Variants in EFNA5 observed in about 807,000 individuals in gnomAD.
EFNA5 encodes the protein ephrin-A5.
Under a neutral mutation model 22.9 loss-of-function variants are expected in EFNA5, and 5 were observed. That is an observed-to-expected ratio of 0.22 (90% CI 0.11 to 0.46). EFNA5 has a LOEUF of 0.46. Ranked by LOEUF, EFNA5 falls within the 20% of genes least tolerant of loss-of-function variation. The probability of loss-of-function intolerance (pLI) is 0.99; values close to 1 mark genes in which losing one functional copy is unlikely to be tolerated. For missense variants in EFNA5, 237 were observed against 293.3 expected (o/e 0.81, Z 1.40); for synonymous variants, 113 against 112.2 (o/e 1.01, Z -0.04).
At chr5:107,439,393 T>A (rs1031340070) in intron 1 of EFNA5, among the ~76,000 whole-genome samples, 10 of 152,328 alleles carry the variant, frequency 6.6e-5, no homozygotes, top group African/African-American at 2.2e-4. Context: ...GTTATGGAAG[T>A]CTGAGCAGAC....
chr5:107,386,465 C>T (rs772474439), intron 4 of EFNA5, among the ~76,000 whole-genome samples: 13 of 152,244 alleles, frequency 8.5e-5, no homozygotes, highest in South Asian at 2.1e-4. Flanking sequence ...CCATAGTATG[C>T]GACAGACTAA....
intron 1 of EFNA5, among the ~76,000 whole-genome samples, chr5:107,637,845 A>G (rs1230323536): frequency 1.3e-5 from 2 of 150,338 alleles, no homozygotes; most frequent in African/African-American, 4.9e-5. Flanking sequence ...ATTTTTATTT[A>G]TTTATTTATT....
chr5:107,427,919 A>C (rs1448570364), intron 1 of EFNA5, among the ~76,000 whole-genome samples: 2 of 152,174 alleles, frequency 1.3e-5, no homozygotes, highest in African/African-American at 4.8e-5. Context: ...ATATTTTTGA[A>C]TAAATGAATG....
intron 1 of EFNA5, among the ~76,000 whole-genome samples, chr5:107,647,422 A>G (rs1750649218): frequency 6.6e-6 from 1 of 152,192 alleles, no homozygotes; most frequent in African/African-American, 2.4e-5. Context: ...CTCTTATTTT[A>G]TGAATATCTT....
chr5:107,562,251 A>G (rs1748563222), intron 1 of EFNA5, among the ~76,000 whole-genome samples: 1 of 152,168 alleles, frequency 6.6e-6, no homozygotes, highest in African/African-American at 2.4e-5. Flanking sequence ...AATTATGGAT[A>G]ATTTACCAAA....
At chr5:107,520,267 T>C (rs1359584183) in intron 1 of EFNA5, among the ~76,000 whole-genome samples, 2 of 152,166 alleles carry the variant, frequency 1.3e-5, no homozygotes, top group Non-Finnish European at 2.9e-5. Flanking sequence ...GGTTTGTCAC[T>C]AAAAGCTTTA....
intron 2 of EFNA5, among the ~76,000 whole-genome samples, chr5:107,404,832 A>C (rs1184785372): frequency 6.6e-6 from 1 of 152,196 alleles, no homozygotes; most frequent in Admixed American, 6.5e-5. Context: ...ACTTGGTAGA[A>C]CTTGACTGTG....
intron 1 of EFNA5, among the ~76,000 whole-genome samples, chr5:107,552,913 C>A (rs1010845183): frequency 2.6e-5 from 4 of 152,052 alleles, no homozygotes; most frequent in Non-Finnish European, 4.4e-5. Flanking sequence ...AACATGTGGG[C>A]AATAGTAATT....
At position 107,670,526 on chromosome 5, in the gene EFNA5, C is replaced by A. The variant is rs370590979; in HGVS notation, c.88G>T (p.Asp30Tyr). The change falls in exon 1 of 5, where the codon GAC becomes TAC. Residue 30 changes from aspartate to tyrosine, a missense_variant. Transcript: ENST00000333274. ...CTGTTCCAGTAGACAGCGTAGCGGT[C>A]GGCGACGGCCTTGGAGCCCGGGTCC... ...SQDPGSKAVA[D>Y]RYAVYWNSSN... The A allele has an allele frequency of 2.1e-5, 34 of 1,581,980 alleles. No individual in the cohort carries two copies. The highest frequency in any genetic ancestry group is 2.9e-5 in the Non-Finnish European group (34 of 1,163,456).
intron 1 of EFNA5, among the ~76,000 whole-genome samples, chr5:107,477,025 T>A (rs2112393859): frequency 6.6e-6 from 1 of 152,334 alleles, no homozygotes. Flanking sequence ...TGTATCACTA[T>A]GTGCTAGGTG....
intron 1 of EFNA5, among the ~76,000 whole-genome samples, chr5:107,516,264 C>G (rs186152939): frequency 6.6e-6 from 1 of 151,468 alleles, no homozygotes; most frequent in African/African-American, 2.4e-5. Context: ...GTGGCAAACC[C>G]TGGCCTTAAG....
intron 1 of EFNA5, among the ~76,000 whole-genome samples, chr5:107,652,919 A>G: frequency 6.6e-6 from 1 of 151,890 alleles, no homozygotes; most frequent in East Asian, 1.9e-4. Flanking sequence ...TAAATTTTTC[A>G]TATAATAAGA....
At chr5:107,436,676 C>G (rs757835119) in intron 1 of EFNA5, among the ~76,000 whole-genome samples, 49 of 152,062 alleles carry the variant, frequency 3.2e-4, no homozygotes, top group Admixed American at 8.5e-4. Flanking sequence ...AGCAGAGCAC[C>G]TGCCACATAC....
In EFNA5 at chr5:107,616,446, A is replaced by G. The variant is rs181976224; in HGVS notation, c.125+54043T>C. Among the ~76,000 whole-genome samples the G allele has an allele frequency of 3.9e-3, 600 of 152,344 alleles. 3 individuals carry two copies. The highest frequency in any genetic ancestry group is 4.7e-3 in the Non-Finnish European group (323 of 68,040). ...AGCAGAGAGCAGCCTGGGACTTGAA[A>G]AATTTCTGCAGATAAATCCCAAGGC... On this transcript the variant is annotated intron_variant, in intron 1 of 4. Transcript: ENST00000333274.
chr5:107,539,909 C>T (rs1023190186), intron 1 of EFNA5, among the ~76,000 whole-genome samples: 2 of 152,174 alleles, frequency 1.3e-5, no homozygotes, highest in Non-Finnish European at 2.9e-5. Flanking sequence ...TCAGAACAGG[C>T]TTTCGAATGT....
At chr5:107,591,912 A>T (rs28736631) in intron 1 of EFNA5, among the ~76,000 whole-genome samples, 76 of 7,108 alleles carry the variant, frequency 0.011, 3 homozygotes, top group African/African-American at 0.045. Context: ...ATATAATATA[A>T]AAAATATATA....
At chr5:107,430,180 A>C (rs951001308) in intron 1 of EFNA5, among the ~76,000 whole-genome samples, 1 of 152,176 alleles carries the variant, frequency 6.6e-6, no homozygotes, top group South Asian at 2.1e-4. Context: ...GTTGCTTTTA[A>C]AAGATTTTTG....
intron 1 of EFNA5, among the ~76,000 whole-genome samples, chr5:107,515,226 T>C (rs1421972803): frequency 4.0e-5 from 6 of 149,064 alleles, no homozygotes; most frequent in Admixed American, 4.0e-4. Flanking sequence ...TTAGTAGAGA[T>C]GGGGTTCCAC....
At chr5:107,401,757 C>G (rs1481263036) in intron 2 of EFNA5, among the ~76,000 whole-genome samples, 1 of 152,178 alleles carries the variant, frequency 6.6e-6, no homozygotes, top group Non-Finnish European at 1.5e-5. Context: ...GGCAATCCTG[C>G]TAGCTGCTTT....
Sources: gnomAD v4.1 joint callset for allele counts (sites outside exome capture counted in the v4.1 genomes callset) on GRCh38, gnomAD v4.1.1 for gene constraint, MANE v1.5 for transcripts, NCBI Gene and HGNC (gene_info 2026-07-23, HGNC 2026-07-21) for gene names.